Variants in CPQ observed in about 807,000 individuals in gnomAD.
The protein encoded by CPQ is Ser-Met dipeptidase.
A neutral mutation model predicts 45.7 loss-of-function variants in CPQ; 37 were observed. The observed-to-expected ratio is 0.81, with a 90% CI of 0.62 to 1.07. The LOEUF (loss-of-function observed/expected upper bound fraction) is 1.07. CPQ is among the 50% of genes least tolerant of loss of function. The pLI, the probability that CPQ is intolerant of heterozygous loss-of-function variation, is 0.00. For missense variants in CPQ, 537 were observed against 572.9 expected, an observed-to-expected ratio of 0.94 and a Z score of 0.64; for synonymous variants, 186 against 205.8, an observed-to-expected ratio of 0.90 and a Z score of 0.82.
At chr8:96,704,614 G>A (rs963704045) in intron 1 of CPQ, among the ~76,000 whole-genome samples, 4 of 152,130 alleles carry the variant, frequency 2.6e-5, no homozygotes, top group African/African-American at 7.2e-5. Flanking sequence ...TGGAGTTCAA[G>A]AGTAGGAGAG....
At chr8:96,965,896 G>T in intron 4 of CPQ, 39 bp from the exon 5 acceptor site, 6 of 1,295,906 alleles carry the variant, frequency 4.6e-6, no homozygotes, top group South Asian at 1.5e-5. Flanking sequence ...TGTCATTTTT[G>T]CTTAGTTTTA....
intron 4 of CPQ, among the ~76,000 whole-genome samples, chr8:96,892,817 A>G (rs1244143630): frequency 6.6e-6 from 1 of 152,194 alleles, no homozygotes; most frequent in South Asian, 2.1e-4. Context: ...CTTTCCTCCA[A>G]TCAAGTCATA....
At chr8:96,902,146 C>T (rs945458689) in intron 4 of CPQ, among the ~76,000 whole-genome samples, 1 of 151,982 alleles carries the variant, frequency 6.6e-6, no homozygotes, top group African/African-American at 2.4e-5. Context: ...GGAGGCTCCT[C>T]CCAGAACCAG....
chr8:97,082,012 G>A (rs780991293), intron 7 of CPQ, among the ~76,000 whole-genome samples: 2 of 152,140 alleles, frequency 1.3e-5, no homozygotes, highest in Non-Finnish European at 2.9e-5. Flanking sequence ...TATTATTTTA[G>A]CTATTAAAGC....
chr8:97,055,812 T>A (rs1563567815), intron 6 of CPQ, among the ~76,000 whole-genome samples: 1 of 152,204 alleles, frequency 6.6e-6, no homozygotes, highest in East Asian at 1.9e-4. Flanking sequence ...AGAGAATAAA[T>A]TTTTAGGCCG....
chr8:97,128,184 A>G (rs1022570510), intron 7 of CPQ, among the ~76,000 whole-genome samples: 12 of 152,216 alleles, frequency 7.9e-5, no homozygotes, highest in Non-Finnish European at 1.5e-5. Flanking sequence ...TTGCAGCACT[A>G]TGAATTCCTT....
intron 1 of CPQ, among the ~76,000 whole-genome samples, chr8:96,770,538 G>A (rs1810526848): frequency 6.6e-6 from 1 of 151,840 alleles, no homozygotes; most frequent in African/African-American, 2.4e-5. Flanking sequence ...GAAAAATAAT[G>A]GCAAAACTAT....
At chr8:96,984,912 A>T (rs1048779487) in intron 5 of CPQ, among the ~76,000 whole-genome samples, 6 of 152,176 alleles carry the variant, frequency 3.9e-5, no homozygotes, top group African/African-American at 1.4e-4. Flanking sequence ...TATGTTTATG[A>T]ACTATTATTT....
intron 3 of CPQ, among the ~76,000 whole-genome samples, chr8:96,879,377 G>A (rs1013605442): frequency 6.6e-6 from 1 of 152,192 alleles, no homozygotes; most frequent in African/African-American, 2.4e-5. Flanking sequence ...CTGGCAGGCA[G>A]TAACCACAGA....
chr8:96,934,683 C>T (rs1018987683), intron 4 of CPQ, among the ~76,000 whole-genome samples: 1 of 152,158 alleles, frequency 6.6e-6, no homozygotes, highest in African/African-American at 2.4e-5. Flanking sequence ...CCCACTCCCA[C>T]CCCACTTTGC....
chr8:97,030,334 G>C lies in CPQ; in HGVS notation c.1053+840G>C, dbSNP rs146575014. Among the ~76,000 whole-genome samples the C allele has an allele frequency of 2.7e-3, 410 of 151,718 alleles. 1 individual carries two copies. Among genetic ancestry groups the C allele is most frequent in the Middle Eastern group, 0.01 (3 of 292 alleles). On this transcript the variant is annotated intron_variant, in intron 6 of 7. Coordinates refer to ENST00000220763, the MANE Select transcript of CPQ (RefSeq NM_016134.4). ...CTTAAATTATCCAAATCGGAGAAGG[G>C]TTTCTTTTGTGAATTGTGTGTATGT...
At chr8:97,113,124 C>T (rs553745891) in intron 7 of CPQ, among the ~76,000 whole-genome samples, 12 of 152,174 alleles carry the variant, frequency 7.9e-5, no homozygotes, top group Admixed American at 1.3e-4. Context: ...GGGCCATCAG[C>T]GAGTGGGGGC....
At chr8:96,677,337 T>C (rs1809088337) in intron 1 of CPQ, among the ~76,000 whole-genome samples, 1 of 152,146 alleles carries the variant, frequency 6.6e-6, no homozygotes, top group Non-Finnish European at 1.5e-5. Context: ...CCAACATTTA[T>C]TGTTCTTTGA....
Position 97,138,659 on chromosome 8 carries a change from A to G in CPQ, c.1256-4361A>G, listed in dbSNP as rs573644782. ...GAAATAATAGAAATAATGAAAATCT[A>G]TAGAAGTAAGAAAACCCTGGGGCCT... On this transcript the variant is annotated intron_variant, in intron 7 of 7. Coordinates refer to ENST00000220763, the MANE Select transcript of CPQ (RefSeq NM_016134.4). Among the ~76,000 whole-genome samples the G allele has an allele frequency of 5.9e-5, 9 of 152,338 alleles. No homozygotes were observed. In the South Asian group the frequency reaches 1.4e-3, roughly 25 times the overall value.
intron 2 of CPQ, among the ~76,000 whole-genome samples, chr8:96,787,525 CTTTT>C (rs71267281): frequency 6.1e-4 from 29 of 47,574 alleles, no homozygotes; most frequent in East Asian, 1.1e-3. Flanking sequence ...CTTATAATGT[CTTTT>C]TTTTTTTTTT....
At chr8:97,006,086 T>C (rs1277717210) in intron 5 of CPQ, among the ~76,000 whole-genome samples, 1 of 152,194 alleles carries the variant, frequency 6.6e-6, no homozygotes, top group East Asian at 1.9e-4. Flanking sequence ...ACAGAGACCA[T>C]ACAGTTTCAG....
At chr8:96,848,782 A>G (rs771645963) in intron 3 of CPQ, among the ~76,000 whole-genome samples, 11 of 152,202 alleles carry the variant, frequency 7.2e-5, no homozygotes, top group Non-Finnish European at 1.0e-4. Context: ...GTGACAATGA[A>G]TGAACATCAT....
chr8:97,084,287 A>G (rs983398093), intron 7 of CPQ, among the ~76,000 whole-genome samples: 3 of 151,978 alleles, frequency 2.0e-5, no homozygotes, highest in Non-Finnish European at 4.4e-5. Flanking sequence ...TTTATTTCAA[A>G]TTTTTTCTAA....
In CPQ at chr8:96,785,004, T is replaced by C. The variant is rs908913270; in HGVS notation, c.107T>C (p.Ile36Thr). Residue 36 changes from isoleucine to threonine, a missense_variant, in exon 2 of 8, where the codon ATA becomes ACA. Ile to Thr is a moderately conservative substitution (Grantham distance 89, BLOSUM62 -1). Transcript: ENST00000220763. Reference sequence around the variant, plus strand: ...ATCTCTAAGAGGACTTTTGAAGAAATAAAAGAAGAAATAGCCAGCTGTGGA... The same window carrying C: ...ATCTCTAAGAGGACTTTTGAAGAAACAAAAGAAGAAATAGCCAGCTGTGGA... ...NGISKRTFEE[I>T]KEEIASCGDV... 1.9e-6 allele frequency: 3 copies of C among 1,613,636 alleles called. No homozygotes were observed. The highest frequency in any genetic ancestry group is 2.5e-6 in the Non-Finnish European group (3 of 1,179,768).
Sources: allele counts gnomAD v4.1 joint callset (sites outside exome capture counted in the v4.1 genomes callset), GRCh38; gene constraint gnomAD v4.1.1; transcripts MANE v1.5; gene names NCBI Gene and HGNC (gene_info 2026-07-23, HGNC 2026-07-21).